NAALADL2: variants seen among roughly 807,000 people sequenced by gnomAD.
NAALADL2 encodes N-acetylated alpha-linked acidic dipeptidase like 2.
NAALADL2 carries 76 observed loss-of-function variants against 87.2 expected under a neutral mutation model. The observed-to-expected ratio is 0.87, with a 90% CI of 0.72 to 1.05. The LOEUF (loss-of-function observed/expected upper bound fraction) is 1.05. Among genes scored for constraint, NAALADL2 ranks in the 50% least tolerant of loss-of-function variants. The pLI is 0.00. For synonymous variants in NAALADL2, 354 were observed against 331.0 expected (o/e 1.07, Z -0.75); for missense variants, 1,089 against 945.8 (o/e 1.15, Z -1.99).
intron 4 of NAALADL2, 75 bp downstream of exon 4, chr3:175,256,605 A>AGT: frequency 7.0e-7 from 1 of 1,438,436 alleles, no homozygotes; most frequent in African/African-American, 1.4e-5. Flanking sequence ...TGCTTTTGTG[A>AGT]GTGTGGAGTG....
intron 1 of NAALADL2, among the ~76,000 whole-genome samples, chr3:174,943,008 A>C (rs1180498497): frequency 6.6e-6 from 1 of 152,058 alleles, no homozygotes; most frequent in Non-Finnish European, 1.5e-5. Context: ...CTTTGTTTCT[A>C]TACGTATTCC....
At chr3:174,716,991 TG>T (rs928760805) in intron 2 of NAALADL2, among the ~76,000 whole-genome samples, 5 of 152,132 alleles carry the variant, frequency 3.3e-5, no homozygotes, top group Admixed American at 6.6e-5. Context: ...ATTTTAGAAT[TG>T]TTTTTTTTCC....
At chr3:174,927,576 A>T (rs1416326771) in intron 1 of NAALADL2, among the ~76,000 whole-genome samples, 1 of 152,208 alleles carries the variant, frequency 6.6e-6, no homozygotes, top group Non-Finnish European at 1.5e-5. Context: ...ACTCAACTAC[A>T]TGGAAACTGA....
chr3:174,831,231 A>G (rs1020904847), intron 3 of NAALADL2, among the ~76,000 whole-genome samples: 2 of 151,364 alleles, frequency 1.3e-5, no homozygotes, highest in Admixed American at 1.3e-4. Flanking sequence ...TCAGTATGAT[A>G]TTGGCTGTGG....
At position 175,685,451 on chromosome 3, in the gene NAALADL2, T is replaced by G. The variant is rs533439370; in HGVS notation, c.1897-51855T>G. ...TCAGAGAAATAGAACCAACAGGAGGTGTGTGTGTGTGTGTGTGTGTGTGTG... is the reference window on the plus strand; with the variant it reads ...TCAGAGAAATAGAACCAACAGGAGGGGTGTGTGTGTGTGTGTGTGTGTGTG... On this transcript the variant is annotated intron_variant, in intron 11 of 13. Coordinates refer to ENST00000454872, the MANE Select transcript of NAALADL2 (RefSeq NM_207015.3). Among the ~76,000 whole-genome samples the G allele has an allele frequency of 1.3e-4, 8 of 59,558 alleles. No individual in the cohort carries two copies. In the South Asian group the frequency reaches 3.6e-3, roughly 27 times the overall value. The allele number at this position is 59,558 out of a possible 152,430, so 39.1% of individuals were successfully genotyped here.
chr3:174,572,802 A>G lies in NAALADL2; in HGVS notation c.-115+22165A>G, dbSNP rs187812897. On this transcript the variant is annotated intron_variant, in intron 2 of 3. Coordinates refer to the NAALADL2 transcript ENST00000434257. Reference sequence around the variant, plus strand: ...ACTAAATCTTTAATAGTGCAAGTCCATATTCAAATAATAACAACAGTGATA... The same window carrying G: ...ACTAAATCTTTAATAGTGCAAGTCCGTATTCAAATAATAACAACAGTGATA... 5.7e-3 allele frequency among the ~76,000 whole-genome samples: 862 copies of G among 152,362 alleles called. 14 individuals are homozygous for G. The highest frequency in any genetic ancestry group is 0.018 in the African/African-American group (767 of 41,584).
chr3:174,548,520 C>CA (rs996896304), intron 1 of NAALADL2, among the ~76,000 whole-genome samples: 1 of 151,788 alleles, frequency 6.6e-6, no homozygotes, highest in African/African-American at 2.4e-5. Context: ...TTTAAAAATA[C>CA]AAAAAGCATA....
chr3:175,082,556 C>T (rs539045385), intron 1 of NAALADL2, among the ~76,000 whole-genome samples: 10 of 152,238 alleles, frequency 6.6e-5, no homozygotes, highest in Admixed American at 6.5e-4. Flanking sequence ...GGAAGGCAGA[C>T]AGGGAGAAGC....
At chr3:174,866,775 T>C (rs1727199755) in intron 1 of NAALADL2, among the ~76,000 whole-genome samples, 1 of 151,794 alleles carries the variant, frequency 6.6e-6, no homozygotes, top group Non-Finnish European at 1.5e-5. Context: ...CTAGAAGTTA[T>C]TTTATATGTA....
chr3:175,282,021 G>T (rs1229327445), intron 4 of NAALADL2, among the ~76,000 whole-genome samples: 1 of 151,856 alleles, frequency 6.6e-6, no homozygotes, highest in East Asian at 1.9e-4. Context: ...TTAATATAGG[G>T]ATCATGTTTT....
At chr3:174,638,795 T>C (rs1203694759) in intron 2 of NAALADL2, among the ~76,000 whole-genome samples, 1 of 152,238 alleles carries the variant, frequency 6.6e-6, no homozygotes, top group Admixed American at 6.5e-5. Flanking sequence ...AGAGACACTT[T>C]AATGTATTCA....
At chr3:175,272,332 A>T (rs1033944873) in intron 4 of NAALADL2, among the ~76,000 whole-genome samples, 4 of 152,230 alleles carry the variant, frequency 2.6e-5, no homozygotes, top group African/African-American at 9.6e-5. Flanking sequence ...TTTGTTAAGA[A>T]AATGAGTTTA....
intron 2 of NAALADL2, among the ~76,000 whole-genome samples, chr3:174,564,609 T>G (rs1714015825): frequency 6.6e-6 from 1 of 152,166 alleles, no homozygotes; most frequent in South Asian, 2.1e-4. Context: ...CAGTCTCTTT[T>G]AATGGTTTTG....
chr3:174,623,701 G>A (rs1721269045), intron 2 of NAALADL2, among the ~76,000 whole-genome samples: 1 of 151,848 alleles, frequency 6.6e-6, no homozygotes. Flanking sequence ...CCATGTTGTT[G>A]AAGGGTCAAC....
chr3:174,449,357 TA>T (rs1324877237), intron 1 of NAALADL2, among the ~76,000 whole-genome samples: 1 of 152,134 alleles, frequency 6.6e-6, no homozygotes, highest in African/African-American at 2.4e-5. Context: ...GCACTAAAAC[TA>T]AAAAACAAAA....
At chr3:175,113,978 C>T (rs1580519978) in intron 2 of NAALADL2, among the ~76,000 whole-genome samples, 1 of 151,620 alleles carries the variant, frequency 6.6e-6, no homozygotes, top group Admixed American at 6.6e-5. Flanking sequence ...GAAAGAGTCT[C>T]ACAAAGAATC....
chr3:174,924,814 G>A (rs1735752433), intron 1 of NAALADL2, among the ~76,000 whole-genome samples: 2 of 152,316 alleles, frequency 1.3e-5, no homozygotes, highest in South Asian at 2.1e-4. Context: ...GATGGCCAGT[G>A]ATGATGAGCA....
chr3:174,938,593 A>G (rs1051746550), intron 1 of NAALADL2, among the ~76,000 whole-genome samples: 2 of 152,160 alleles, frequency 1.3e-5, no homozygotes, highest in African/African-American at 4.8e-5. Flanking sequence ...TCTTTGAGGA[A>G]TCACCATACT....
chr3:175,129,092 C>A (rs1045428147), intron 2 of NAALADL2, among the ~76,000 whole-genome samples: 1 of 137,604 alleles, frequency 7.3e-6, no homozygotes, highest in Non-Finnish European at 1.5e-5. Context: ...GTGTGCACCC[C>A]TATGCCTGGC....
Sources: allele counts gnomAD v4.1 joint callset (sites outside exome capture counted in the v4.1 genomes callset), GRCh38; gene constraint gnomAD v4.1.1; transcripts MANE v1.5; gene names NCBI Gene and HGNC (gene_info 2026-07-23, HGNC 2026-07-21).